Variants in MCC observed in about 807,000 individuals in gnomAD.
The protein encoded by MCC is colorectal mutant cancer protein.
In MCC, 90 loss-of-function variants were observed where a neutral mutation model predicts 116.2. The ratio of observed to expected loss-of-function variants is 0.77; its 90% CI spans 0.65 to 0.92. The LOEUF is 0.92. MCC is among the 40% of genes least tolerant of loss of function. The pLI is 0.00. For synonymous variants in MCC, 578 were observed against 510.5 expected (o/e 1.13, Z -1.78); for missense variants, 1,516 against 1,312.2 (o/e 1.16, Z -2.40).
intron 1 of MCC, among the ~76,000 whole-genome samples, chr5:113,452,178 A>G (rs916286650): frequency 6.6e-6 from 1 of 152,204 alleles, no homozygotes; most frequent in Admixed American, 6.5e-5. Context: ...GTCACACACC[A>G]TCACTTCCAC....
At chr5:113,268,627 T>A (rs1387173976) in intron 3 of MCC, among the ~76,000 whole-genome samples, 2 of 152,140 alleles carry the variant, frequency 1.3e-5, no homozygotes, top group African/African-American at 4.8e-5. Context: ...ATACAAAGCG[T>A]CTCTCAATTT....
intron 1 of MCC, among the ~76,000 whole-genome samples, chr5:113,416,969 CTTTTTTTTTT>C (rs148628081): frequency 1.6e-5 from 2 of 122,528 alleles, no homozygotes. Context: ...TGTGAATTGC[CTTTTTTTTTT>C]TTTTTTTTTG....
chr5:113,156,318 T>A (rs1277159044), intron 3 of MCC, among the ~76,000 whole-genome samples: 8 of 152,232 alleles, frequency 5.3e-5, no homozygotes, highest in African/African-American at 1.7e-4. Flanking sequence ...TTGCACAATT[T>A]AATCCCTTTT....
At chr5:113,080,634 C>G (rs1469479230) in intron 11 of MCC, among the ~76,000 whole-genome samples, 3 of 152,098 alleles carry the variant, frequency 2.0e-5, no homozygotes, top group African/African-American at 7.2e-5. Flanking sequence ...TGTGGAACAT[C>G]ACACACCGGG....
At chr5:113,120,252 T>C (rs1757656647) in intron 6 of MCC, among the ~76,000 whole-genome samples, 3 of 152,192 alleles carry the variant, frequency 2.0e-5, no homozygotes, top group Admixed American at 1.3e-4. Context: ...GAACTTAGCA[T>C]GCTGGTATGA....
chr5:113,429,325 G>A (rs1269731640), intron 1 of MCC, among the ~76,000 whole-genome samples: 1 of 152,088 alleles, frequency 6.6e-6, no homozygotes, highest in East Asian at 1.9e-4. Flanking sequence ...GAGGGCACAG[G>A]GAGAAGGTGG....
Position 113,447,712 on chromosome 5 carries a change from C to T in MCC, c.170+40533G>A, listed in dbSNP as rs183684536. ...TTGGCTAAAATTCAAATAAACACATCCTCCCTACATTCTCTCTCTCCATCT... is the reference window on the plus strand; with the variant it reads ...TTGGCTAAAATTCAAATAAACACATTCTCCCTACATTCTCTCTCTCCATCT... On this transcript the variant is annotated intron_variant, in intron 1 of 18. Coordinates refer to ENST00000408903, the MANE Select transcript of MCC (RefSeq NM_001085377.2). 2.0e-5 allele frequency among the ~76,000 whole-genome samples: 3 copies of T among 152,216 alleles called. No homozygotes were observed. The East Asian group carries it at 5.8e-4, about 29-fold the overall frequency.
At chr5:113,086,897 G>C (rs1755234968) in intron 8 of MCC, among the ~76,000 whole-genome samples, 1 of 152,226 alleles carries the variant, frequency 6.6e-6, no homozygotes, top group Non-Finnish European at 1.5e-5. Context: ...CAGGGATTCT[G>C]ATTTAGCAGG....
At chr5:113,051,347 T>C (rs927976150) in intron 15 of MCC, among the ~76,000 whole-genome samples, 1 of 151,724 alleles carries the variant, frequency 6.6e-6, no homozygotes, top group Non-Finnish European at 1.5e-5. Flanking sequence ...GAAGCAGAAA[T>C]AACAATGTGC....
chr5:113,045,370 C>T (rs1752000531), intron 16 of MCC, among the ~76,000 whole-genome samples: 1 of 152,186 alleles, frequency 6.6e-6, no homozygotes, highest in Non-Finnish European at 1.5e-5. Flanking sequence ...TCAAATGTGG[C>T]CCGCCAGCTG....
chr5:113,253,499 C>A (rs2150344812), intron 3 of MCC, among the ~76,000 whole-genome samples: 1 of 152,268 alleles, frequency 6.6e-6, no homozygotes, highest in South Asian at 2.1e-4. Flanking sequence ...GTGAAACCTG[C>A]TCTTTGACAT....
Position 113,212,811 on chromosome 5 carries a change from G to A in MCC, c.628-61389C>T, listed in dbSNP as rs539126153. On this transcript the variant is annotated intron_variant, in intron 3 of 18. Coordinates refer to ENST00000408903, the MANE Select transcript of MCC (RefSeq NM_001085377.2). The stretch of plus-strand genomic sequence containing the variant: ...CTGTACTTTCTAAATTGCACAAGAT[G>A]TCACTCCCCCTCTAACTATGGCTAA... 6.4e-4 allele frequency among the ~76,000 whole-genome samples: 98 copies of A among 152,232 alleles called. 1 individual carries two copies. Among genetic ancestry groups the A allele is most frequent in the African/African-American group, 2.3e-3 (97 of 41,544 alleles).
intron 8 of MCC, among the ~76,000 whole-genome samples, chr5:113,100,463 C>CT (rs1314745423): frequency 3.6e-5 from 3 of 83,604 alleles, no homozygotes; most frequent in Non-Finnish European, 6.1e-5. Flanking sequence ...TGTATTTTTC[C>CT]CTTTTTTTTT....
intron 2 of MCC, among the ~76,000 whole-genome samples, chr5:113,364,240 AAAAAAAAAAAAAAAAAAAAACCAG>A (rs1197626362): frequency 1.2e-4 from 10 of 82,228 alleles, no homozygotes; most frequent in African/African-American, 2.8e-4. Flanking sequence ...CAAAAACAGA[AAAAAAAAAAAAAAAAAAAAACCAG>A]AAAAAAAAAA....
chr5:113,325,622 C>T (rs113227190), intron 3 of MCC, among the ~76,000 whole-genome samples: 3,131 of 150,266 alleles, frequency 0.021, 34 homozygotes, highest in Middle Eastern at 0.027. Flanking sequence ...ATCTTGACTA[C>T]TTTATTGAAC....
chr5:113,137,116 T>C (rs971671541), intron 5 of MCC, among the ~76,000 whole-genome samples: 2 of 152,174 alleles, frequency 1.3e-5, no homozygotes, highest in African/African-American at 4.8e-5. Flanking sequence ...CAGTTCAGCA[T>C]GGCTGGAGAG....
At chr5:113,085,025 A>G (rs975446622) in intron 9 of MCC, 139 bp downstream of exon 9, 1 of 1,116,242 alleles carries the variant, frequency 9.0e-7, no homozygotes, top group Admixed American at 1.9e-5. Flanking sequence ...TCCTGCATAG[A>G]AGGCCTGCGT....
chr5:113,379,262 C>T (rs1297745342), intron 2 of MCC, among the ~76,000 whole-genome samples: 1 of 152,230 alleles, frequency 6.6e-6, no homozygotes, highest in African/African-American at 2.4e-5. Flanking sequence ...TCCTTACTTG[C>T]TCTGTGGCTT....
In MCC at chr5:113,461,751, A is replaced by G. The variant is rs541669159; in HGVS notation, c.170+26494T>C. 3.5e-4 allele frequency among the ~76,000 whole-genome samples: 53 copies of G among 151,628 alleles called. 1 individual carries two copies. Among genetic ancestry groups the G allele is most frequent in the African/African-American group, 1.2e-3 (48 of 41,406 alleles). ...ATGAACAACTTGCACCAGTAAAAAA[A>G]AAAAAAAAAAAAAAAAATTCTGACA... On this transcript the variant is annotated intron_variant, in intron 1 of 18. Transcript: ENST00000408903.
Sources: gnomAD v4.1 joint callset for allele counts (sites outside exome capture counted in the v4.1 genomes callset) on GRCh38, gnomAD v4.1.1 for gene constraint, MANE v1.5 for transcripts, NCBI Gene and HGNC (gene_info 2026-07-23, HGNC 2026-07-21) for gene names.